The following RUNX1T1 variants were observed in gnomAD, a reference collection of about 807,000 sequenced individuals.
RUNX1T1 encodes protein CBFA2T1.
RUNX1T1 carries 4 observed loss-of-function variants against 62.8 expected under a neutral mutation model. The ratio of observed to expected loss-of-function variants is 0.06; its 90% confidence interval spans 0.03 to 0.15. The LOEUF is 0.15. Ranked by LOEUF, RUNX1T1 falls within the 10% of genes least tolerant of loss-of-function variation. The pLI is 1.00. For synonymous variants in RUNX1T1, 291 were observed against 286.0 expected, an observed-to-expected ratio of 1.02 and a Z score of -0.18; for missense variants, 508 against 754.3, an observed-to-expected ratio of 0.67 and a Z score of 3.82.
At chr8:92,027,701 G>A (rs767183728) in intron 1 of RUNX1T1, among the ~76,000 whole-genome samples, 8 of 152,230 alleles carry the variant, frequency 5.3e-5, no homozygotes, top group Non-Finnish European at 7.4e-5. Flanking sequence ...TCAGCAGCTG[G>A]CCCAGAATCA....
exon 11 of RUNX1T1, chr8:91,959,445 T>C (rs1468684436): frequency 0.018 from 2,080 of 117,234 alleles, 125 homozygotes; most frequent in East Asian, 0.17. Context: ...TGTGTGTGTG[T>C]GTGTGTGTGT....
chr8:92,086,432 G>A (rs1240810955), intron 1 of RUNX1T1, among the ~76,000 whole-genome samples: 1 of 152,226 alleles, frequency 6.6e-6, no homozygotes, highest in East Asian at 1.9e-4. Context: ...TCAAAGAAGA[G>A]TTTGAAATCT....
chr8:91,993,381 G>A (rs908918967), intron 5 of RUNX1T1, among the ~76,000 whole-genome samples: 2 of 152,088 alleles, frequency 1.3e-5, no homozygotes, highest in African/African-American at 4.8e-5. Flanking sequence ...GAGACAGAAG[G>A]TATAGGCATA....
chr8:92,014,823 G>A lies in RUNX1T1; in HGVS notation c.146-3C>T. ...AGAATGGCTCGTGCCATTAGTTACT[G>A]TCAAGAGCACAAAATCAGAAGGAAG... On this transcript the variant is annotated splice_region_variant and splice_polypyrimidine_tract_variant and intron_variant, in intron 2 of 10. Coordinates refer to ENST00000396218, the Ensembl canonical transcript of RUNX1T1. The A allele has an allele frequency of 6.3e-7, 1 of 1,595,274 alleles. No individual in the cohort carries two copies.
intron 1 of RUNX1T1, among the ~76,000 whole-genome samples, chr8:92,077,014 AAAGGAATTACT>A: frequency 6.6e-6 from 1 of 152,232 alleles, no homozygotes; most frequent in South Asian, 2.1e-4. Flanking sequence ...AGCAGTCTCA[AAAGGAATTACT>A]AAGGCTGTAG....
rs1825931779 is a variant in RUNX1T1, at chr8:92,029,985, G to A, written c.8-12622C>T. 3.9e-5 allele frequency among the ~76,000 whole-genome samples: 6 copies of A among 152,132 alleles called. No homozygotes were observed. In the South Asian group the frequency reaches 1.0e-3, roughly 26 times the overall value. On this transcript the variant is annotated intron_variant, in intron 1 of 10. Transcript: ENST00000396218. ...ATTCCCCTATTTAAAGTGTTTCAAT[G>A]GTTTACCATAACTCTTAGTATAAAA...
At chr8:92,085,564 C>T (rs149203096) in intron 1 of RUNX1T1, among the ~76,000 whole-genome samples, 1,578 of 152,250 alleles carry the variant, frequency 0.01, 16 homozygotes, top group Non-Finnish European at 0.018. Flanking sequence ...TCTTATCAAG[C>T]ATAATTCACT....
chr8:92,034,165 T>C (rs1826814420), intron 1 of RUNX1T1, among the ~76,000 whole-genome samples: 1 of 152,144 alleles, frequency 6.6e-6, no homozygotes, highest in African/African-American at 2.4e-5. Context: ...TTCACCTTTG[T>C]ATCCCATTCA....
chr8:92,081,329 A>G, intron 1 of RUNX1T1: 1 of 688,826 alleles, frequency 1.5e-6, no homozygotes, highest in South Asian at 6.5e-5. Context: ...AATATAATTA[A>G]ATATGAAATA....
exon 1 of RUNX1T1, chr8:92,062,840 G>C: frequency 7.0e-7 from 1 of 1,420,842 alleles, no homozygotes; most frequent in South Asian, 1.5e-5. Flanking sequence ...ACAGGGATGT[G>C]TGTGCAAAGT....
chr8:92,031,075 G>A (rs1369404627), intron 1 of RUNX1T1, among the ~76,000 whole-genome samples: 2 of 152,158 alleles, frequency 1.3e-5, no homozygotes, highest in Admixed American at 6.6e-5. Flanking sequence ...ATTTTCCACT[G>A]AGCTAACCAA....
chr8:91,982,996 C>T lies in RUNX1T1; in HGVS notation c.1198+3128G>A, dbSNP rs935281346. Among the ~76,000 whole-genome samples, 29 of 136,050 alleles carry T rather than the reference C, an allele frequency of 2.1e-4. No homozygotes were observed. The East Asian group carries it at 5.8e-3, about 27-fold the overall frequency. The allele number at this position is 136,050 out of a possible 152,430, so 89.3% of individuals were successfully genotyped here. A position where few individuals can be genotyped will look rare whatever the true frequency, so the allele number is the denominator to read the frequency against. On this transcript the variant is annotated intron_variant, in intron 8 of 10. Transcript: ENST00000396218. ...AGGCTCGAGTGCAATGGCGTGATCT[C>T]GGCTCACTGCAACCTCTGCCTCCCA...
chr8:92,074,306 C>A (rs1003765047), intron 2 of RUNX1T1, among the ~76,000 whole-genome samples: 2 of 152,128 alleles, frequency 1.3e-5, no homozygotes, highest in Admixed American at 6.5e-5. Flanking sequence ...TGGTTCATTG[C>A]CAGCAGGCCA....
chr8:92,006,426 T>C (rs937212127), intron 4 of RUNX1T1: 1 of 152,156 alleles, frequency 6.6e-6, no homozygotes, highest in Non-Finnish European at 1.5e-5. Context: ...CCAGGTGCCA[T>C]GTACACCGAT....
At chr8:92,030,358 T>A (rs1826000039) in intron 1 of RUNX1T1, among the ~76,000 whole-genome samples, 1 of 152,214 alleles carries the variant, frequency 6.6e-6, no homozygotes, top group Admixed American at 6.5e-5. Context: ...TCATATCAAC[T>A]CAGTCCCAGA....
intron 6 of RUNX1T1, among the ~76,000 whole-genome samples, chr8:91,987,328 T>C (rs1157647783): frequency 6.6e-6 from 1 of 152,110 alleles, no homozygotes; most frequent in Non-Finnish European, 1.5e-5. Context: ...CATTAAGTGG[T>C]TTTTAAAGCA....
rs553038826 is a variant in RUNX1T1, at chr8:91,962,704, A to C, written c.1459-2187T>G. Among the ~76,000 whole-genome samples, 8 of 152,376 alleles carry C rather than the reference A, an allele frequency of 5.3e-5. No homozygotes were observed. The South Asian group carries it at 1.7e-3, about 32-fold the overall frequency. On this transcript the variant is annotated intron_variant, in intron 10 of 10. Coordinates refer to ENST00000396218, the Ensembl canonical transcript of RUNX1T1. Reference sequence around the variant, plus strand: ...AGGTTTAGGCTTTTAGAATAATGCCAGCTGGATCCTGGAACAAACTCAGCA... The same window carrying C: ...AGGTTTAGGCTTTTAGAATAATGCCCGCTGGATCCTGGAACAAACTCAGCA...
At chr8:92,046,839 T>G (rs1288235355) in intron 1 of RUNX1T1, among the ~76,000 whole-genome samples, 4 of 152,180 alleles carry the variant, frequency 2.6e-5, no homozygotes, top group African/African-American at 9.7e-5. Flanking sequence ...GGTTAAAGAA[T>G]GCAGCTGCCA....
chr8:92,003,438 A>T (rs1820146397), intron 5 of RUNX1T1: 1 of 453,886 alleles, frequency 2.2e-6, no homozygotes, highest in African/African-American at 2.0e-5. Context: ...ATGGTTATTT[A>T]GCAGTTCAGA....
Sources: gnomAD v4.1 joint callset for allele counts (sites outside exome capture counted in the v4.1 genomes callset) on GRCh38, gnomAD v4.1.1 for gene constraint, MANE v1.5 for transcripts, NCBI Gene and HGNC (gene_info 2026-07-23, HGNC 2026-07-21) for gene names.